Variants in MEI1 observed in about 807,000 individuals in gnomAD.
MEI1 encodes meiosis inhibitor protein 1.
In MEI1, 103 loss-of-function variants were observed where a neutral mutation model predicts 146.2. That is an observed-to-expected ratio of 0.70 (90% CI 0.60 to 0.83). MEI1 has a LOEUF of 0.83. Ranked by LOEUF, MEI1 falls within the 40% of genes least tolerant of loss-of-function variation. MEI1 has a pLI of 0.00. For missense variants in MEI1, 1,529 were observed against 1,533.0 expected, an observed-to-expected ratio of 1.00 and a Z score of 0.04; for synonymous variants, 652 against 628.2, an observed-to-expected ratio of 1.04 and a Z score of -0.57.
At chr22:41,711,125 C>G (rs2069520834) in intron 3 of MEI1, among the ~76,000 whole-genome samples, 1 of 152,166 alleles carries the variant, frequency 6.6e-6, no homozygotes, top group African/African-American at 2.4e-5. Context: ...TTTATGCTCC[C>G]TCTGAAAGGT....
intron 7 of MEI1, among the ~76,000 whole-genome samples, chr22:41,726,593 T>C (rs1322318457): frequency 6.6e-6 from 1 of 152,156 alleles, no homozygotes; most frequent in East Asian, 1.9e-4. Flanking sequence ...TGAGATACAT[T>C]TTTTCACATT....
chr22:41,731,372 G>A (rs1347631754), intron 9 of MEI1, among the ~76,000 whole-genome samples: 1 of 150,316 alleles, frequency 6.7e-6, no homozygotes, highest in Non-Finnish European at 1.5e-5. Context: ...TTTTTGAGAC[G>A]GAGTCCTGCT....
intron 3 of MEI1, chr22:41,709,357 G>A (rs1569147981): frequency 1.4e-6 from 1 of 735,286 alleles, no homozygotes; most frequent in South Asian, 1.3e-5. Context: ...CTTTGCAGGG[G>A]CCTTTTTAGG....
intron 15 of MEI1, among the ~76,000 whole-genome samples, chr22:41,751,563 T>A (rs1334511491): frequency 6.7e-6 from 1 of 148,154 alleles, no homozygotes; most frequent in African/African-American, 2.5e-5. Flanking sequence ...GCGGATCACC[T>A]GAGGTCCGAT....
Position 41,784,815 on chromosome 22 carries a change from C to A in MEI1, c.3345+32C>A, listed in dbSNP as rs1428875850. The A allele has an allele frequency of 3.9e-6, 6 of 1,533,576 alleles. No homozygotes were observed. In the South Asian group the frequency reaches 6.3e-5, roughly 16 times the overall value. The allele number at this position is 1,533,576 out of a possible 1,614,324, so 95.0% of individuals were successfully genotyped here. A position where few individuals can be genotyped will look rare whatever the true frequency, so the allele number is the denominator to read the frequency against. ...CCCTTGCTGAGTGGGGCTTGCTTCT[C>A]CCAGGACAACAGCAGGAAGGGGTGG... On this transcript the variant is annotated intron_variant, in intron 26 of 30. Transcript: ENST00000401548.
In MEI1 at chr22:41,718,208, C is replaced by CT; in HGVS notation, c.672dup (p.Pro225SerfsTer18). The CT allele has an allele frequency of 6.2e-7, 1 of 1,614,014 alleles. No individual in the cohort carries two copies. The highest frequency in any genetic ancestry group is 8.5e-7 in the Non-Finnish European group (1 of 1,179,894). On this transcript the variant is annotated frameshift_variant, in exon 6 of 31. Coordinates refer to ENST00000401548, the MANE Select transcript of MEI1 (RefSeq NM_152513.4). LOFTEE classifies it high-confidence loss of function. ...GCTTTCAGGACACTTCCGTGAGAAG[C>CT]TTTTTCCCCTCTTCCTTTCCATCCT...
rs1569251505 is a variant in MEI1, at chr22:41,752,577, C to CCA, written c.1793-12_1793-11dup. ...GTTTAAACTGCTCTCTGCTTTATTC[C>CCA]CACTTCTCTGAAGCTTCCTCATCCT... On this transcript the variant is annotated splice_polypyrimidine_tract_variant and intron_variant, in intron 15 of 30. Coordinates refer to ENST00000401548, the MANE Select transcript of MEI1 (RefSeq NM_152513.4). The CCA allele has an allele frequency of 6.3e-7, 1 of 1,589,318 alleles. No individual in the cohort carries two copies. Among genetic ancestry groups the CCA allele is most frequent in the African/African-American group, 1.3e-5 (1 of 74,438 alleles).
chr22:41,726,454 C>G (rs191819777), intron 7 of MEI1, among the ~76,000 whole-genome samples: 191 of 152,176 alleles, frequency 1.3e-3, no homozygotes, highest in Non-Finnish European at 1.8e-3. Context: ...AACAGGGAAA[C>G]TAAAAATGTG....
intron 14 of MEI1, among the ~76,000 whole-genome samples, chr22:41,746,428 T>C (rs2147793191): frequency 6.6e-6 from 1 of 152,326 alleles, no homozygotes; most frequent in East Asian, 1.9e-4. Flanking sequence ...AACCTATGAC[T>C]TCAGGTCCCC....
At chr22:41,766,584 T>C (rs1160569128) in intron 19 of MEI1, among the ~76,000 whole-genome samples, 1 of 152,158 alleles carries the variant, frequency 6.6e-6, no homozygotes, top group East Asian at 1.9e-4. Flanking sequence ...TCTTGCTCTG[T>C]CACCCAGACT....
intron 1 of MEI1, among the ~76,000 whole-genome samples, chr22:41,702,111 A>G (rs978448836): frequency 4.6e-5 from 7 of 152,204 alleles, no homozygotes; most frequent in Admixed American, 1.3e-4. Context: ...ACAGATGAGA[A>G]GCAATAAGAG....
intron 18 of MEI1, 130 bp from the exon 19 acceptor site, chr22:41,763,044 A>C (rs2074599603): frequency 5.6e-6 from 5 of 897,776 alleles, no homozygotes; most frequent in Non-Finnish European, 6.8e-6. Flanking sequence ...CTGTTTGTCT[A>C]AGATGTCATT....
At chr22:41,746,280 G>A (rs1368490447) in intron 14 of MEI1, among the ~76,000 whole-genome samples, 1 of 152,176 alleles carries the variant, frequency 6.6e-6, no homozygotes, top group Non-Finnish European at 1.5e-5. Flanking sequence ...TTTATGGAGT[G>A]GAAAGTGCCT....
At chr22:41,787,482 C>A (rs2076033190) in intron 26 of MEI1, among the ~76,000 whole-genome samples, 1 of 152,146 alleles carries the variant, frequency 6.6e-6, no homozygotes, top group South Asian at 2.1e-4. Context: ...ACTGTGTTTG[C>A]ATTATGGACA....
intron 1 of MEI1, among the ~76,000 whole-genome samples, chr22:41,701,729 C>T (rs1326903712): frequency 1.3e-5 from 2 of 152,110 alleles, no homozygotes; most frequent in East Asian, 1.9e-4. Flanking sequence ...TGTTTGTAGT[C>T]AAGTGCTGTT....
intron 26 of MEI1, 42 bp downstream of exon 26, chr22:41,784,825 C>G (rs1374999283): frequency 1.3e-6 from 2 of 1,503,758 alleles, no homozygotes; most frequent in East Asian, 2.4e-5. Context: ...CCCAGGACAA[C>G]AGCAGGAAGG....
At chr22:41,760,038 A>G (rs1040180216) in intron 18 of MEI1, among the ~76,000 whole-genome samples, 2 of 151,428 alleles carry the variant, frequency 1.3e-5, no homozygotes, top group Admixed American at 6.6e-5. Context: ...GGCCGGGTGC[A>G]GTGGCTCACT....
intron 21 of MEI1, among the ~76,000 whole-genome samples, chr22:41,777,595 A>G (rs1297030275): frequency 1.3e-5 from 2 of 152,204 alleles, no homozygotes; most frequent in East Asian, 1.9e-4. Flanking sequence ...TTTAGCTGAT[A>G]ATACTGGTTA....
At chr22:41,700,101 G>C (rs111230830) in intron 1 of MEI1, among the ~76,000 whole-genome samples, 1,830 of 150,442 alleles carry the variant, frequency 0.012, 42 homozygotes, top group African/African-American at 0.044. Context: ...TCAGCCTCCC[G>C]CCATTTCAGC....
Sources: gnomAD v4.1 joint callset for allele counts (sites outside exome capture counted in the v4.1 genomes callset) on GRCh38, gnomAD v4.1.1 for gene constraint, MANE v1.5 for transcripts, NCBI Gene and HGNC (gene_info 2026-07-23, HGNC 2026-07-21) for gene names.